The following CHKA variants were observed in gnomAD, a reference collection of about 807,000 sequenced individuals.
CHKA encodes the protein CHETK-alpha.
A neutral mutation model predicts 60.1 loss-of-function variants in CHKA; 34 were observed. The observed-to-expected ratio is 0.57, with a 90% CI of 0.43 to 0.75. The LOEUF is 0.75. Among genes scored for constraint, CHKA ranks in the 30% least tolerant of loss-of-function variants. CHKA has a pLI of 0.00. For synonymous variants in CHKA, 217 were observed against 223.1 expected (o/e 0.97, Z 0.24); for missense variants, 563 against 561.3 (o/e 1.00, Z -0.03).
At chr11:68,075,648 C>A (rs1856762589) in intron 3 of CHKA, among the ~76,000 whole-genome samples, 1 of 152,116 alleles carries the variant, frequency 6.6e-6, no homozygotes, top group Non-Finnish European at 1.5e-5. Context: ...TCTTAAAGAG[C>A]TTTTACAGGC....
chr11:68,097,189 T>C, intron 1 of CHKA, 59 bp from the exon 2 acceptor site: 1 of 1,311,200 alleles, frequency 7.6e-7, no homozygotes, highest in Non-Finnish European at 1.1e-6. Context: ...ATCACTCTTC[T>C]TGGATAAATA....
chr11:68,070,125 G>T, intron 6 of CHKA, 64 bp downstream of exon 6: 1 of 1,191,148 alleles, frequency 8.4e-7, no homozygotes, highest in Non-Finnish European at 1.2e-6. Flanking sequence ...CTCAATCAAT[G>T]TTTACTGACA....
At chr11:68,115,912 T>G (rs572367262) in intron 1 of CHKA, among the ~76,000 whole-genome samples, 37 of 152,318 alleles carry the variant, frequency 2.4e-4, no homozygotes, top group Non-Finnish European at 4.3e-4. Context: ...AAGCAAACGT[T>G]TAAAATGAAA....
intron 11 of CHKA, chr11:68,061,641 AG>A (rs1254490551): frequency 2.6e-5 from 12 of 465,868 alleles, no homozygotes; most frequent in Non-Finnish European, 5.1e-5. Flanking sequence ...CTGGACTTCG[AG>A]GGTGCAGATG....
chr11:68,101,202 C>T (rs1857707230), intron 1 of CHKA, among the ~76,000 whole-genome samples: 1 of 151,964 alleles, frequency 6.6e-6, no homozygotes, highest in African/African-American at 2.4e-5. Context: ...CCTGTCTCAG[C>T]CCCCCAAAGT....
chr11:68,068,941 A>G lies in CHKA; in HGVS notation c.870-4T>C. 1 of 1,610,596 alleles carries G rather than the reference A, an allele frequency of 6.2e-7. No individual in the cohort carries two copies. The highest frequency in any genetic ancestry group is 8.5e-7 in the Non-Finnish European group (1 of 1,178,028). ...TGGAGTAGATTCAAGCAATGATCTGAAAAGAAAGGTTTCACTGTTACCCAT... is the reference window on the plus strand; with the variant it reads ...TGGAGTAGATTCAAGCAATGATCTGGAAAGAAAGGTTTCACTGTTACCCAT... On this transcript the variant is annotated splice_polypyrimidine_tract_variant and splice_region_variant and intron_variant, in intron 6 of 11. Coordinates refer to ENST00000265689, the MANE Select transcript of CHKA (RefSeq NM_001277.3).
intron 9 of CHKA, 43 bp from the exon 10 acceptor site, chr11:68,064,674 T>C (rs779462240): frequency 1.3e-5 from 15 of 1,177,132 alleles, no homozygotes; most frequent in East Asian, 1.2e-4. Context: ...ATGGTTAAAA[T>C]AGACAATGTC....
chr11:68,108,912 A>C (rs1858021846), intron 1 of CHKA, among the ~76,000 whole-genome samples: 1 of 152,064 alleles, frequency 6.6e-6, no homozygotes, highest in Admixed American at 6.6e-5. Context: ...CAGTGTGGAC[A>C]ACTGTGAGAG....
chr11:68,081,644 T>C, intron 2 of CHKA, 187 bp from the exon 3 acceptor site: 1 of 534,558 alleles, frequency 1.9e-6, no homozygotes, highest in South Asian at 2.3e-5. Context: ...ACCAACACCT[T>C]AGAAAGTGCT....
chr11:68,074,130 G>A (rs1364008323), intron 4 of CHKA, among the ~76,000 whole-genome samples: 1 of 152,148 alleles, frequency 6.6e-6, no homozygotes, highest in East Asian at 1.9e-4. Flanking sequence ...TGGTATACTG[G>A]TAAATGTTAC....
chr11:68,113,200 T>C lies in CHKA; in HGVS notation c.350+7628A>G, dbSNP rs933153035. The stretch of plus-strand genomic sequence containing the variant: ...GGCATGCCCCTATAGTCCCAGATAC[T>C]TGGGAGACTGAGGCAGGAGGACCAC... On this transcript the variant is annotated intron_variant, in intron 1 of 11. Coordinates refer to ENST00000265689, the MANE Select transcript of CHKA (RefSeq NM_001277.3). Among the ~76,000 whole-genome samples the C allele has an allele frequency of 1.1e-4, 16 of 149,606 alleles. No individual in the cohort carries two copies. The East Asian group carries it at 3.1e-3, about 29-fold the overall frequency.
At chr11:68,101,207 C>A (rs1857708286) in intron 1 of CHKA, among the ~76,000 whole-genome samples, 1 of 152,034 alleles carries the variant, frequency 6.6e-6, no homozygotes, top group African/African-American at 2.4e-5. Context: ...CTCAGCCCCC[C>A]AAAGTGCTGG....
intron 1 of CHKA, among the ~76,000 whole-genome samples, chr11:68,112,434 A>C (rs977451853): frequency 1.3e-5 from 2 of 152,018 alleles, no homozygotes; most frequent in African/African-American, 4.8e-5. Flanking sequence ...ATTTTTTTGT[A>C]TTTCTAGAAG....
Position 68,071,703 on chromosome 11 carries a change from A to T in CHKA, c.631-846T>A, listed in dbSNP as rs1225154429. On this transcript the variant is annotated intron_variant, in intron 4 of 11. Coordinates refer to ENST00000265689, the MANE Select transcript of CHKA (RefSeq NM_001277.3). Reference sequence around the variant, plus strand: ...GCTTTAATTCTCATTTCAAAGCTACATGGCCATCCAAGTTACCTCATACAT... The same window carrying T: ...GCTTTAATTCTCATTTCAAAGCTACTTGGCCATCCAAGTTACCTCATACAT... 2.0e-5 allele frequency among the ~76,000 whole-genome samples: 3 copies of T among 152,378 alleles called. 1 individual carries two copies. The South Asian group carries it at 6.2e-4, about 32-fold the overall frequency.
intron 1 of CHKA, among the ~76,000 whole-genome samples, chr11:68,113,357 A>AT (rs1858252180): frequency 6.6e-6 from 1 of 152,184 alleles, no homozygotes; most frequent in African/African-American, 2.4e-5. Flanking sequence ...GCAAATAAGC[A>AT]TCTGAAAAGA....
rs1371847771 is a variant in CHKA, at chr11:68,064,460, A to T, written c.1232+65T>A. 1.6e-5 allele frequency: 12 copies of T among 758,626 alleles called. No individual in the cohort carries two copies. In the Admixed American group the frequency reaches 3.8e-4, roughly 24 times the overall value. The allele number at this position is 758,626 out of a possible 1,614,324, so 47.0% of individuals were successfully genotyped here. Reference sequence around the variant, plus strand: ...AAAATACTCCTAATTGCAAGTCAGCATCTCCCAAATATAGTCTATAAAGAG... The same window carrying T: ...AAAATACTCCTAATTGCAAGTCAGCTTCTCCCAAATATAGTCTATAAAGAG... On this transcript the variant is annotated intron_variant, in intron 10 of 11. Transcript: ENST00000265689.
chr11:68,120,896 C>A lies in CHKA; in HGVS notation c.282G>T (p.Trp94Cys). 1 of 1,340,810 alleles carries A rather than the reference C, an allele frequency of 7.5e-7. No individual in the cohort carries two copies. Among genetic ancestry groups the A allele is most frequent in the South Asian group, 1.6e-5 (1 of 64,466 alleles). The allele number at this position is 1,340,810 out of a possible 1,614,324, so 83.1% of individuals were successfully genotyped here. The change falls in exon 1 of 12, where the codon TGG (tryptophan) becomes TGT (cysteine). Residue 94 changes from tryptophan to cysteine, a missense_variant. Coordinates refer to ENST00000265689, the MANE Select transcript of CHKA (RefSeq NM_001277.3). Reference sequence around the variant, plus strand: ...AGGCGCCGGGCAGGAACTCCTTGCACCACAGATAGGCCCTGCGCCGCGTCC... The same window carrying A: ...AGGCGCCGGGCAGGAACTCCTTGCAACACAGATAGGCCCTGCGCCGCGTCC... ...EPRTRRRAYLWCKEFLPGAWR... is the reference protein window; with the variant it reads ...EPRTRRRAYLCCKEFLPGAWR...
chr11:68,070,560 C>A (rs981499212), intron 5 of CHKA, among the ~76,000 whole-genome samples, 164 bp downstream of exon 5: 2 of 152,172 alleles, frequency 1.3e-5, no homozygotes, highest in Non-Finnish European at 2.9e-5. Flanking sequence ...GACTTTTACA[C>A]ACAAGAAAGA....
At chr11:68,054,216 C>T (rs974036805) in intron 11 of CHKA, among the ~76,000 whole-genome samples, 169 bp from the exon 12 acceptor site, 5 of 152,238 alleles carry the variant, frequency 3.3e-5, no homozygotes, top group African/African-American at 1.2e-4. Flanking sequence ...CGCTGCTCTA[C>T]AGGTGCAGGC....
Sources: allele counts gnomAD v4.1 joint callset (sites outside exome capture counted in the v4.1 genomes callset), GRCh38; gene constraint gnomAD v4.1.1; transcripts MANE v1.5; gene names NCBI Gene and HGNC (gene_info 2026-07-23, HGNC 2026-07-21).